DNAL1: variants seen among roughly 807,000 people sequenced by gnomAD.
The protein encoded by DNAL1 is chromosome 14 open reading frame 168.
A neutral mutation model predicts 29.4 loss-of-function variants in DNAL1; 17 were observed. The ratio of observed to expected loss-of-function variants is 0.58; its 90% CI spans 0.40 to 0.87. DNAL1 has a LOEUF of 0.87. Ranked by LOEUF, DNAL1 falls within the 40% of genes least tolerant of loss-of-function variation. The pLI, the probability that DNAL1 is intolerant of heterozygous loss-of-function variation, is 0.00. For synonymous variants in DNAL1, 78 were observed against 76.3 expected, an observed-to-expected ratio of 1.02 and a Z score of -0.12; for missense variants, 188 against 214.1, an observed-to-expected ratio of 0.88 and a Z score of 0.76.
intron 5 of DNAL1, among the ~76,000 whole-genome samples, chr14:73,677,883 T>TA (rs1478185673): frequency 0.093 from 11,553 of 123,970 alleles, 546 homozygotes; most frequent in African/African-American, 0.15. Flanking sequence ...TATATATATA[T>TA]TTGTGTGTGT....
chr14:73,681,633 A>ATATATATATAT (rs1397342699), intron 5 of DNAL1, among the ~76,000 whole-genome samples: 7 of 35,410 alleles, frequency 2.0e-4, no homozygotes, highest in African/African-American at 1.5e-3. Context: ...AAAAAAAAAA[A>ATATATATATAT]ATATATATAT....
intron 1 of DNAL1, among the ~76,000 whole-genome samples, chr14:73,653,010 A>G (rs1454288432): frequency 1.3e-5 from 2 of 152,230 alleles, no homozygotes; most frequent in African/African-American, 4.8e-5. Context: ...AACAGTTTGC[A>G]TATGGCTAGA....
chr14:73,696,196 A>G lies in DNAL1; in HGVS notation c.*254A>G. On this transcript the variant is annotated 3_prime_UTR_variant, in exon 8 of 8. Transcript: ENST00000553645. The stretch of plus-strand genomic sequence containing the variant: ...TCGATTTTTGTCTTCAGTCTCAGTT[A>G]CGTACTGTGTAGCCCCATCTACTAA... 1 of 382,208 alleles carries G rather than the reference A, an allele frequency of 2.6e-6. No individual in the cohort carries two copies. Among genetic ancestry groups the G allele is most frequent in the Non-Finnish European group, 4.7e-6 (1 of 212,318 alleles). The allele number at this position is 382,208 out of a possible 1,614,324, so 23.7% of individuals were successfully genotyped here.
At chr14:73,682,800 T>A (rs140025081) in intron 5 of DNAL1, among the ~76,000 whole-genome samples, 1 of 151,798 alleles carries the variant, frequency 6.6e-6, no homozygotes, top group East Asian at 1.9e-4. Context: ...GAGCCACCAT[T>A]TCGTATGACA....
Position 73,687,369 on chromosome 14 carries a change from C to G in DNAL1, c.375C>G (p.Asn125Lys), listed in dbSNP as rs1168745561. The change falls in exon 6 of 8, where the codon AAC becomes AAG. Residue 125 changes from asparagine (N) to lysine (K), a missense_variant. Asn to Lys is a moderately conservative substitution (Grantham distance 94). Coordinates refer to ENST00000553645, the MANE Select transcript of DNAL1 (RefSeq NM_031427.4). ...KKLKILYMSNNLVKDWAEFVK... is the reference protein window; with the variant it reads ...KKLKILYMSNKLVKDWAEFVK... ...TGAAGATTCTCTACATGTCTAATAA[C>G]CTGGTAAAAGACTGGGGTAAGCTGA... is the stretch of plus-strand genomic sequence containing the variant. The G allele has an allele frequency of 6.2e-7, 1 of 1,603,836 alleles. No homozygotes were observed. The highest frequency in any genetic ancestry group is 8.5e-7 in the Non-Finnish European group (1 of 1,175,258).
rs1595231636 is a variant in DNAL1, at chr14:73,697,373, C to G, written c.*1431C>G. The G allele has an allele frequency of 6.6e-6, 1 of 152,266 alleles. No individual in the cohort carries two copies. The highest frequency in any genetic ancestry group is 1.9e-4 in the East Asian group (1 of 5,184). The allele number at this position is 152,266 out of a possible 1,614,324, so 9.4% of individuals were successfully genotyped here. A position where few individuals can be genotyped will look rare whatever the true frequency, so the allele number is the denominator to read the frequency against. On this transcript the variant is annotated 3_prime_UTR_variant, in exon 8 of 8. Coordinates refer to ENST00000553645, the MANE Select transcript of DNAL1 (RefSeq NM_031427.4). ...CTGGGTTTCAGAAGATTTCAGCTAT[C>G]ATTTACATAGGAATTACTTGATTTT...
chr14:73,689,616 C>T (rs1892117727), intron 7 of DNAL1, 101 bp downstream of exon 7: 1 of 1,487,590 alleles, frequency 6.7e-7, no homozygotes, highest in Non-Finnish European at 9.2e-7. Flanking sequence ...AAAAATACCT[C>T]TGATCTTCCA....
At chr14:73,694,377 G>A (rs181907528) in intron 7 of DNAL1, among the ~76,000 whole-genome samples, 183 of 152,304 alleles carry the variant, frequency 1.2e-3, no homozygotes, top group African/African-American at 4.1e-3. Flanking sequence ...TGCAAGATGA[G>A]TTTGGGAGAC....
At chr14:73,650,917 C>T (rs1446063927) in intron 1 of DNAL1, among the ~76,000 whole-genome samples, 4 of 152,208 alleles carry the variant, frequency 2.6e-5, no homozygotes, top group African/African-American at 4.8e-5. Context: ...GCTGGGACTA[C>T]AGGCATGTGT....
At chr14:73,657,280 A>T (rs1168701762) in intron 2 of DNAL1, among the ~76,000 whole-genome samples, 1 of 152,122 alleles carries the variant, frequency 6.6e-6, no homozygotes, top group Non-Finnish European at 1.5e-5. Flanking sequence ...AGCTCAAGTG[A>T]TCCTCCCACC....
chr14:73,681,545 A>G (rs1198391202), intron 5 of DNAL1, among the ~76,000 whole-genome samples: 4 of 142,270 alleles, frequency 2.8e-5, no homozygotes, highest in African/African-American at 1.1e-4. Flanking sequence ...AGGCGGTGGG[A>G]TCACTTAAGG....
chr14:73,689,108 A>G (rs1876804313), intron 6 of DNAL1, among the ~76,000 whole-genome samples: 1 of 131,528 alleles, frequency 7.6e-6, no homozygotes, highest in South Asian at 2.3e-4. Flanking sequence ...ATCTCTGCTC[A>G]CTGCAACCTC....
chr14:73,683,458 AT>A (rs1206530309), intron 5 of DNAL1, among the ~76,000 whole-genome samples: 1 of 152,124 alleles, frequency 6.6e-6, no homozygotes, highest in Non-Finnish European at 1.5e-5. Context: ...CCACCATTGT[AT>A]ATAGAGTCAA....
intron 4 of DNAL1, among the ~76,000 whole-genome samples, chr14:73,669,500 C>A (rs1179674909): frequency 6.6e-6 from 1 of 152,212 alleles, no homozygotes; most frequent in Non-Finnish European, 1.5e-5. Flanking sequence ...TGGTCTCGAT[C>A]TTCTGACCTC....
At chr14:73,648,508 C>T (rs1408087996) in intron 1 of DNAL1, among the ~76,000 whole-genome samples, 1 of 146,424 alleles carries the variant, frequency 6.8e-6, no homozygotes, top group Non-Finnish European at 1.5e-5. Context: ...GGCTCCTCCA[C>T]CTCCCGGGAT....
Position 73,671,557 on chromosome 14 carries a change from T to A in DNAL1, c.224T>A (p.Leu75Ter). 6.7e-7 allele frequency: 1 copy of A among 1,493,652 alleles called. No homozygotes were observed. The highest frequency in any genetic ancestry group is 1.4e-5 in the South Asian group (1 of 70,626). 92.5% of individuals were successfully genotyped at this position (1,493,652 alleles called of 1,614,324 possible). A position where few individuals can be genotyped will look rare whatever the true frequency, so the allele number is the denominator to read the frequency against. ...TTCACTACAGAAAACTTGAGGATAT[T>A]ATCTTTAGGAAGAAACAACATAAAG... The part of the protein sequence containing the change: ...NLNGLKNLRI[L>*]SLGRNNIKNL... The change falls in exon 5 of 8, where the codon TTA becomes TAA. Residue 75 changes from leucine to a stop codon, truncating the protein, a stop_gained. Transcript: ENST00000553645. LOFTEE classifies it high-confidence loss of function.
intron 7 of DNAL1, among the ~76,000 whole-genome samples, chr14:73,692,188 G>A (rs1892191835): frequency 6.6e-6 from 1 of 151,228 alleles, no homozygotes; most frequent in Admixed American, 6.6e-5. Flanking sequence ...CTTCCCTTAA[G>A]AATAAAATAG....
chr14:73,654,832 T>C lies in DNAL1; in HGVS notation c.4-15T>C, dbSNP rs185924269. On this transcript the variant is annotated splice_polypyrimidine_tract_variant and intron_variant, in intron 1 of 7. Transcript: ENST00000553645. Reference sequence around the variant, plus strand: ...ACTTTGTTTTTTCTTTTCTTTCTTTTTTTTTTTTTTAAAGGCGAAAGCAAC... The same window carrying C: ...ACTTTGTTTTTTCTTTTCTTTCTTTCTTTTTTTTTTAAAGGCGAAAGCAAC... 3,385 of 1,507,920 alleles carry C rather than the reference T, an allele frequency of 2.2e-3. 7 individuals carry two copies. Among genetic ancestry groups the C allele is most frequent in the Non-Finnish European group, 2.5e-3 (2,781 of 1,132,940 alleles). The allele number at this position is 1,507,920 out of a possible 1,614,324, so 93.4% of individuals were successfully genotyped here.
At chr14:73,687,447 G>C (rs1892046205) in intron 6 of DNAL1, 62 bp downstream of exon 6, 1 of 1,447,344 alleles carries the variant, frequency 6.9e-7, no homozygotes, top group Non-Finnish European at 9.1e-7. Flanking sequence ...TAGTCCGAGA[G>C]GGAAAAGATG....
Sources: gnomAD v4.1 joint callset for allele counts (sites outside exome capture counted in the v4.1 genomes callset) on GRCh38, gnomAD v4.1.1 for gene constraint, MANE v1.5 for transcripts, NCBI Gene and HGNC (gene_info 2026-07-23, HGNC 2026-07-21) for gene names.